Variants in ST3GAL3 observed in about 807,000 individuals in gnomAD.
The protein encoded by ST3GAL3 is CMP-N-acetylneuraminate-beta-1,4-galactoside alpha-2,3-sialyltransferase.
ST3GAL3 carries 21 observed loss-of-function variants against 50.1 expected under a neutral mutation model. That is an observed-to-expected ratio of 0.42 (90% CI 0.30 to 0.60). The LOEUF is 0.60. ST3GAL3 is among the 20% of genes least tolerant of loss of function. ST3GAL3 has a pLI of 0.19. For synonymous variants in ST3GAL3, 183 were observed against 190.0 expected (o/e 0.96, Z 0.30); for missense variants, 353 against 489.4 (o/e 0.72, Z 2.63).
intron 5 of ST3GAL3, chr1:43,840,000 C>T: frequency 6.6e-6 from 1 of 152,342 alleles, no homozygotes; most frequent in South Asian, 2.1e-4. Flanking sequence ...TACCACCAGG[C>T]CCCATTGGAG....
At chr1:43,805,300 C>T (rs2059747523) in intron 3 of ST3GAL3, among the ~76,000 whole-genome samples, 1 of 152,128 alleles carries the variant, frequency 6.6e-6, no homozygotes, top group Non-Finnish European at 1.5e-5. Context: ...GAAATTGTCC[C>T]ACTAACCTAG....
intron 5 of ST3GAL3, among the ~76,000 whole-genome samples, chr1:43,845,828 G>A (rs1037551547): frequency 2.6e-5 from 4 of 151,700 alleles, no homozygotes; most frequent in African/African-American, 7.3e-5. Flanking sequence ...ATTTTGATAT[G>A]TTGTATTTTT....
In ST3GAL3 at chr1:43,848,368, C is replaced by T. The variant is rs1209646995; in HGVS notation, c.302+10057C>T. Among the ~76,000 whole-genome samples the T allele has an allele frequency of 4.3e-5, 6 of 139,474 alleles. No individual in the cohort carries two copies. In the East Asian group the frequency reaches 8.5e-4, roughly 20 times the overall value. 91.5% of individuals were successfully genotyped at this position (139,474 alleles called of 152,430 possible). Reference sequence around the variant, plus strand: ...TTGCCCAGGCTGGAGTGCAATGGCGCGATCTTGGTTCACTGCAACCTCCGC... The same window carrying T: ...TTGCCCAGGCTGGAGTGCAATGGCGTGATCTTGGTTCACTGCAACCTCCGC... On this transcript the variant is annotated intron_variant, in intron 5 of 11. Transcript: ENST00000347631.
At chr1:43,758,702 T>A (rs1406045519) in intron 2 of ST3GAL3, among the ~76,000 whole-genome samples, 2 of 152,092 alleles carry the variant, frequency 1.3e-5, no homozygotes, top group Non-Finnish European at 2.9e-5. Flanking sequence ...ACAACAAGAA[T>A]AGAAAGTATG....
chr1:43,894,979 A>C (rs1029584828), intron 6 of ST3GAL3, among the ~76,000 whole-genome samples: 1 of 152,184 alleles, frequency 6.6e-6, no homozygotes, highest in Non-Finnish European at 1.5e-5. Flanking sequence ...TTAAGTATAC[A>C]ACAGTGAAGT....
chr1:43,758,115 A>G (rs371433192), intron 2 of ST3GAL3, among the ~76,000 whole-genome samples: 86 of 151,994 alleles, frequency 5.7e-4, no homozygotes, highest in African/African-American at 2.0e-3. Flanking sequence ...TAAAACCACA[A>G]TAAGACACTA....
At chr1:43,723,635 A>G (rs1384679702) in intron 1 of ST3GAL3, among the ~76,000 whole-genome samples, 1 of 140,032 alleles carries the variant, frequency 7.1e-6, no homozygotes, top group Non-Finnish European at 1.6e-5. Flanking sequence ...TTTTTTAGAC[A>G]GAGTCTCACT....
At chr1:43,900,636 T>G (rs1347835831) in intron 9 of ST3GAL3, 2 of 152,296 alleles carry the variant, frequency 1.3e-5, no homozygotes, top group South Asian at 2.1e-4. Flanking sequence ...CAGACGGCCC[T>G]CTGCCTACAG....
At chr1:43,876,211 G>T (rs887709828) in intron 5 of ST3GAL3, among the ~76,000 whole-genome samples, 1 of 151,978 alleles carries the variant, frequency 6.6e-6, no homozygotes, top group African/African-American at 2.4e-5. Context: ...CAATCCGCCC[G>T]CCTCGGCCTC....
chr1:43,908,741 C>T (rs2080261275), intron 9 of ST3GAL3, among the ~76,000 whole-genome samples: 1 of 151,926 alleles, frequency 6.6e-6, no homozygotes, highest in African/African-American at 2.4e-5. Context: ...AAGTGATTCT[C>T]CTGCCTCCGC....
chr1:43,879,303 T>A (rs1364958899), intron 5 of ST3GAL3: 1 of 456,110 alleles, frequency 2.2e-6, no homozygotes, highest in African/African-American at 2.0e-5. Context: ...TTGGGCCCTT[T>A]AACCTGTGGT....
intron 5 of ST3GAL3, among the ~76,000 whole-genome samples, chr1:43,883,259 G>A (rs1031609600): frequency 7.2e-5 from 11 of 152,108 alleles, no homozygotes; most frequent in African/African-American, 1.2e-4. Flanking sequence ...ATGAGCCACC[G>A]TGCCTGGCTA....
intron 2 of ST3GAL3, among the ~76,000 whole-genome samples, chr1:43,778,716 G>A (rs1339651690): frequency 1.4e-5 from 2 of 146,362 alleles, no homozygotes; most frequent in African/African-American, 2.5e-5. Context: ...CACGATCTCG[G>A]CTCACTGCAA....
intron 2 of ST3GAL3, among the ~76,000 whole-genome samples, chr1:43,786,247 C>T (rs374866480): frequency 3.3e-5 from 5 of 152,238 alleles, no homozygotes; most frequent in Non-Finnish European, 7.4e-5. Flanking sequence ...CTGTTACTCC[C>T]GGGGTTTTAA....
chr1:43,766,730 C>T (rs1418352386), intron 2 of ST3GAL3, among the ~76,000 whole-genome samples: 3 of 152,020 alleles, frequency 2.0e-5, no homozygotes, highest in African/African-American at 7.2e-5. Context: ...AATGGAAAGA[C>T]CTGGTGGAAA....
intron 5 of ST3GAL3, among the ~76,000 whole-genome samples, chr1:43,843,697 A>G (rs906473543): frequency 6.6e-5 from 10 of 152,350 alleles, no homozygotes; most frequent in African/African-American, 2.4e-4. Context: ...AGCAAAATCT[A>G]GGCTTGTCTG....
At position 43,886,717 on chromosome 1, in the gene ST3GAL3, G is replaced by A. The variant is rs151209300; in HGVS notation, c.303-7666G>A. ...GTAAAATCTAGATTGCATTAGATTGGAGGGTGACTAGGAGATGAGGAAGTG... is the reference window on the plus strand; with the variant it reads ...GTAAAATCTAGATTGCATTAGATTGAAGGGTGACTAGGAGATGAGGAAGTG... On this transcript the variant is annotated intron_variant, in intron 5 of 11. Transcript: ENST00000347631. Among the ~76,000 whole-genome samples the A allele has an allele frequency of 1.2e-3, 186 of 152,316 alleles. 1 individual carries two copies. Among genetic ancestry groups the A allele is most frequent in the African/African-American group, 4.2e-3 (175 of 41,568 alleles).
At chr1:43,893,989 T>C (rs775423033) in intron 5 of ST3GAL3, among the ~76,000 whole-genome samples, 5 of 152,230 alleles carry the variant, frequency 3.3e-5, no homozygotes, top group Non-Finnish European at 1.5e-5. Flanking sequence ...TTTTTGGATA[T>C]ATTTCTGCTC....
intron 5 of ST3GAL3, among the ~76,000 whole-genome samples, chr1:43,852,654 T>G (rs141543838): frequency 6.6e-6 from 1 of 152,204 alleles, no homozygotes; most frequent in Admixed American, 6.5e-5. Context: ...TAAGACACTC[T>G]TTTAGTGGAA....
Sources: gnomAD v4.1 joint callset for allele counts (sites outside exome capture counted in the v4.1 genomes callset) on GRCh38, gnomAD v4.1.1 for gene constraint, MANE v1.5 for transcripts, NCBI Gene and HGNC (gene_info 2026-07-23, HGNC 2026-07-21) for gene names.